Variants in NEK10 observed in about 807,000 individuals in gnomAD.
The protein encoded by NEK10 is serine/threonine-protein kinase Nek10.
NEK10 carries 122 observed loss-of-function variants against 159.8 expected under a neutral mutation model. The observed-to-expected ratio is 0.76, with a 90% CI of 0.66 to 0.89. The LOEUF (loss-of-function observed/expected upper bound fraction) is 0.89. Ranked by LOEUF, NEK10 falls within the 40% of genes least tolerant of loss-of-function variation. NEK10 has a pLI of 0.00. For missense variants in NEK10, 1,342 were observed against 1,323.1 expected, an observed-to-expected ratio of 1.01 and a Z score of -0.22; for synonymous variants, 466 against 457.1, an observed-to-expected ratio of 1.02 and a Z score of -0.25.
At chr3:27,265,176 C>T (rs2040786534) in intron 22 of NEK10, among the ~76,000 whole-genome samples, 1 of 152,092 alleles carries the variant, frequency 6.6e-6, no homozygotes, top group African/African-American at 2.4e-5. Context: ...AGTTCAAAAA[C>T]AAAACATGTC....
At chr3:27,243,119 T>C (rs1350300813) in intron 23 of NEK10, among the ~76,000 whole-genome samples, 2 of 152,192 alleles carry the variant, frequency 1.3e-5, no homozygotes, top group Admixed American at 6.5e-5. Context: ...AATATTCTAC[T>C]ATTTTAGAGA....
At chr3:27,153,412 A>G (rs1354879266) in intron 30 of NEK10, among the ~76,000 whole-genome samples, 1 of 152,180 alleles carries the variant, frequency 6.6e-6, no homozygotes, top group African/African-American at 2.4e-5. Flanking sequence ...CAGAAAGTCA[A>G]CAGAGAAACA....
chr3:27,337,223 T>C (rs1011269417), intron 5 of NEK10, among the ~76,000 whole-genome samples: 1 of 151,986 alleles, frequency 6.6e-6, no homozygotes, highest in Non-Finnish European at 1.5e-5. Context: ...CTATTTCCGA[T>C]AGCTACCAAA....
At chr3:27,168,057 T>C (rs1946635640) in intron 29 of NEK10, among the ~76,000 whole-genome samples, 1 of 152,314 alleles carries the variant, frequency 6.6e-6, no homozygotes, top group African/African-American at 2.4e-5. Context: ...ATGCTTAAGC[T>C]TTCTCTTGGT....
chr3:27,221,051 T>C (rs1271005134), intron 23 of NEK10, among the ~76,000 whole-genome samples: 1 of 152,168 alleles, frequency 6.6e-6, no homozygotes, highest in Non-Finnish European at 1.5e-5. Flanking sequence ...TATATAAGAA[T>C]TAGAACTATA....
intron 8 of NEK10, chr3:27,311,417 T>C (rs555786602): frequency 5.7e-5 from 9 of 159,268 alleles, no homozygotes; most frequent in Non-Finnish European, 9.6e-5. Flanking sequence ...CTGAGGAAAA[T>C]AGTCATCCTC....
intron 9 of NEK10, chr3:27,309,807 A>C (rs1327804934): frequency 6.6e-6 from 1 of 152,220 alleles, no homozygotes; most frequent in Non-Finnish European, 1.5e-5. Flanking sequence ...ACAAGATATG[A>C]ATACTATCGA....
At chr3:27,209,226 T>C (rs1393726267) in intron 23 of NEK10, among the ~76,000 whole-genome samples, 1 of 152,222 alleles carries the variant, frequency 6.6e-6, no homozygotes, top group Non-Finnish European at 1.5e-5. Flanking sequence ...TTATTCAAAA[T>C]TCAAATTTCA....
At chr3:27,193,679 T>C (rs928008956) in intron 25 of NEK10, among the ~76,000 whole-genome samples, 4 of 148,714 alleles carry the variant, frequency 2.7e-5, no homozygotes, top group Admixed American at 6.8e-5. Flanking sequence ...ATCTCTTATA[T>C]ACTTGCCAAA....
At position 27,119,021 on chromosome 3, in the gene NEK10, AT is replaced by A. The variant is rs551811223; in HGVS notation, c.3190+738del. Among the ~76,000 whole-genome samples, 1,297 of 152,338 alleles carry A rather than the reference AT, an allele frequency of 8.5e-3. 5 individuals carry two copies. Among genetic ancestry groups the A allele is most frequent in the Non-Finnish European group, 0.013 (867 of 68,032 alleles). ...AGCTACCGTTTATAAAGATTCAAAA[AT>A]TATTTAGGAGTACTGAAACCTCAGA... On this transcript the variant is annotated intron_variant, in intron 33 of 35. Coordinates refer to ENST00000691995, the MANE Select transcript of NEK10 (RefSeq NM_001394966.1).
At position 27,344,259 on chromosome 3, in the gene NEK10, G is replaced by A. The variant is rs757746316; in HGVS notation, c.362+13C>T. On this transcript the variant is annotated intron_variant, in intron 5 of 35. Coordinates refer to ENST00000691995, the MANE Select transcript of NEK10 (RefSeq NM_001394966.1). ...CTCTTCAGTAAAAGCCTGTTTTCCA[G>A]GAACAATCTTACCTGCTTATGAGTC... is the stretch of plus-strand genomic sequence containing the variant. 17 of 1,378,758 alleles carry A rather than the reference G, an allele frequency of 1.2e-5. No homozygotes were observed. Among genetic ancestry groups the A allele is most frequent in the African/African-American group, 7.1e-5 (5 of 70,640 alleles). The allele number at this position is 1,378,758 out of a possible 1,614,324, so 85.4% of individuals were successfully genotyped here.
chr3:27,133,865 A>C (rs1490313398), intron 31 of NEK10, among the ~76,000 whole-genome samples: 3 of 152,346 alleles, frequency 2.0e-5, no homozygotes, highest in Admixed American at 2.0e-4. Flanking sequence ...ATACTGAAGC[A>C]CTTCAGTGTA....
intron 23 of NEK10, among the ~76,000 whole-genome samples, chr3:27,227,849 C>G (rs1022215031): frequency 6.6e-6 from 1 of 152,216 alleles, no homozygotes; most frequent in Non-Finnish European, 1.5e-5. Flanking sequence ...GCTACTTTGC[C>G]TATAGCCCTT....
chr3:27,305,967 C>T (rs1297935857), intron 11 of NEK10, among the ~76,000 whole-genome samples: 1 of 152,176 alleles, frequency 6.6e-6, no homozygotes, highest in African/African-American at 2.4e-5. Flanking sequence ...GGCATTGCTC[C>T]TAACTTCCAG....
chr3:27,321,218 A>ACTAT (rs2045604174), intron 6 of NEK10, among the ~76,000 whole-genome samples: 1 of 152,170 alleles, frequency 6.6e-6, no homozygotes, highest in African/African-American at 2.4e-5. Flanking sequence ...CAGCTAAAGC[A>ACTAT]CTATGTCTTT....
rs777362169 is a variant in NEK10 at position 27,287,760 on chromosome 3, A to G, written c.1744-17T>C. On this transcript the variant is annotated splice_polypyrimidine_tract_variant and intron_variant, in intron 19 of 35. Transcript: ENST00000691995. ...ATGATAAAGCTATAAGAAAATAAAT[A>G]ACAAACATGTATTGCACTGCTTCAA... 4.6e-5 allele frequency: 72 copies of G among 1,551,858 alleles called. No individual in the cohort carries two copies. The South Asian group carries it at 6.7e-4, about 14-fold the overall frequency.
At chr3:27,153,079 T>C (rs975658302) in intron 30 of NEK10, among the ~76,000 whole-genome samples, 13 of 152,060 alleles carry the variant, frequency 8.5e-5, no homozygotes, top group African/African-American at 3.1e-4. Flanking sequence ...CCCAGCACTT[T>C]GGGAGGCCAA....
chr3:27,115,995 T>C lies in NEK10; in HGVS notation c.3244A>G (p.Thr1082Ala). The change falls in exon 35 of 36, where the codon ACT becomes GCT. Residue 1082 changes from threonine (T) to alanine (A), a missense_variant and splice_region_variant. Transcript: ENST00000691995. Reference protein sequence around the residue: ...EEGITYEQMQTVIEEVLEESG... With the variant: ...EEGITYEQMQAVIEEVLEESG... ...TCCTCAAGGACTTCTTCAATCACAG[T>C]CTAAAATTTTAAAAATCAGGTTAGT... The C allele has an allele frequency of 6.2e-7, 1 of 1,613,028 alleles. No individual in the cohort carries two copies. The highest frequency in any genetic ancestry group is 8.5e-7 in the Non-Finnish European group (1 of 1,179,268).
At chr3:27,344,494 G>A (rs1258915827) in intron 4 of NEK10, 124 bp from the exon 5 acceptor site, 2 of 488,704 alleles carry the variant, frequency 4.1e-6, no homozygotes, top group Non-Finnish European at 7.2e-6. Context: ...CTATACTAAT[G>A]AGGATTCAGG....
Sources: allele counts gnomAD v4.1 joint callset (sites outside exome capture counted in the v4.1 genomes callset), GRCh38; gene constraint gnomAD v4.1.1; transcripts MANE v1.5; gene names NCBI Gene and HGNC (gene_info 2026-07-23, HGNC 2026-07-21).